The following SON variants were observed in gnomAD, a reference collection of about 807,000 sequenced individuals.
The protein encoded by SON is protein SON.
Under a neutral mutation model 173.3 loss-of-function variants are expected in SON, and 4 were observed. That is an observed-to-expected ratio of 0.02 (90% CI 0.01 to 0.05). SON has a LOEUF of 0.05. Ranked by LOEUF, SON falls within the 10% of genes least tolerant of loss-of-function variation. The pLI is 1.00. For missense variants in SON, 2,626 were observed against 3,055.3 expected (o/e 0.86, Z 3.31); for synonymous variants, 1,190 against 1,105.9 (o/e 1.08, Z -1.51).
chr21:33,575,770 C>G lies in SON; in HGVS notation c.7106-8C>G. The G allele has an allele frequency of 6.3e-7, 1 of 1,585,344 alleles. No homozygotes were observed. The highest frequency in any genetic ancestry group is 8.7e-7 in the Non-Finnish European group (1 of 1,155,878). On this transcript the variant is annotated splice_region_variant and splice_polypyrimidine_tract_variant and intron_variant, in intron 10 of 11. Transcript: ENST00000356577. The stretch of plus-strand genomic sequence containing the variant: ...TAATTTAAAACTGGGTATTTCTCCC[C>G]CCTGCAGGCAAACATCCTGTGTCTG...
At chr21:33,557,577 C>T (rs762848695) in intron 4 of SON, 37 of 1,550,402 alleles carry the variant, frequency 2.4e-5, no homozygotes, top group Non-Finnish European at 3.1e-5. Context: ...AGGAGTGGGA[C>T]GGTTCGTTTG....
In SON at chr21:33,549,673, A is replaced by G. The variant is rs201319368; in HGVS notation, c.442A>G (p.Ile148Val). ...SKTKSHDDGNIDLESDSFLKF... is the reference protein window; with the variant it reads ...SKTKSHDDGNVDLESDSFLKF... ...GACGAAATCTCATGATGATGGGAAC[A>G]TAGATTTAGAATCTGATTCCTTTTT... The change falls in exon 3 of 12, where the codon ATA becomes GTA. Residue 148 changes from isoleucine (I) to valine (V), a missense_variant. Ile to Val is a conservative substitution (Grantham distance 29). Transcript: ENST00000356577. 3.0e-5 allele frequency: 48 copies of G among 1,612,332 alleles called. No individual in the cohort carries two copies. Among genetic ancestry groups the G allele is most frequent in the Non-Finnish European group, 5.9e-6 (7 of 1,179,558 alleles).
Position 33,576,188 on chromosome 21 carries a change from C to CT in SON, c.7222-176dup, listed in dbSNP as rs35866245. Among the ~76,000 whole-genome samples the CT allele has an allele frequency of 1, 152,349 of 152,350 alleles. 76,174 individuals are homozygous for CT. Among genetic ancestry groups the CT allele is most frequent in the Non-Finnish European group, 1 (68,038 of 68,038 alleles). On this transcript the variant is annotated intron_variant, in intron 11 of 11. Transcript: ENST00000356577. ...CTTTTTCTCAATTTGGAGACCTGCT[C>CT]TAATTTGCAGTCCCTTTCCCAAATG... is the stretch of plus-strand genomic sequence containing the variant.
In SON at chr21:33,555,850, T is replaced by A. The variant is rs924665120; in HGVS notation, c.6160+459T>A. Among the ~76,000 whole-genome samples the A allele has an allele frequency of 3.9e-5, 6 of 152,192 alleles. No homozygotes were observed. In the East Asian group the frequency reaches 1.2e-3, roughly 29 times the overall value. ...TATAGGACTGTTAAATGAAGGTAATTCTGATTGGTATAGTTGGTAATGGAA... is the reference window on the plus strand; with the variant it reads ...TATAGGACTGTTAAATGAAGGTAATACTGATTGGTATAGTTGGTAATGGAA... On this transcript the variant is annotated intron_variant, in intron 3 of 11. Coordinates refer to ENST00000356577, the MANE Select transcript of SON (RefSeq NM_138927.4).
At chr21:33,560,141 C>T (rs771249423) in intron 6 of SON, 9 of 1,608,112 alleles carry the variant, frequency 5.6e-6, no homozygotes, top group Middle Eastern at 1.7e-4. Flanking sequence ...GCAAATTTAT[C>T]GGGTGGAGGG....
At position 33,549,998 on chromosome 21, in the gene SON, T is replaced by C; in HGVS notation, c.767T>C (p.Val256Ala). Residue 256 changes from valine to alanine, a missense_variant, in exon 3 of 12, where the codon GTG becomes GCG. Physicochemically the swap from Val to Ala is moderately conservative, Grantham distance 64 (BLOSUM62 0). Coordinates refer to ENST00000356577, the MANE Select transcript of SON (RefSeq NM_138927.4). ...GCACCAGTGCCTACTACAACACTGGTGTTGAAGTCATCTGAGCCAGTTGTA... is the reference window on the plus strand; with the variant it reads ...GCACCAGTGCCTACTACAACACTGGCGTTGAAGTCATCTGAGCCAGTTGTA... ...AAAPVPTTTLVLKSSEPVVTM... is the reference protein window; with the variant it reads ...AAAPVPTTTLALKSSEPVVTM... 1.9e-6 allele frequency: 3 copies of C among 1,614,140 alleles called. 1 individual carries two copies. Among genetic ancestry groups the C allele is most frequent in the South Asian group, 2.2e-5 (2 of 91,086 alleles).
Position 33,557,248 on chromosome 21 carries a change from C to T in SON, c.6253C>T (p.Pro2085Ser), listed in dbSNP as rs753296736. 2 of 1,613,502 alleles carry T rather than the reference C, an allele frequency of 1.2e-6. No homozygotes were observed. The highest frequency in any genetic ancestry group is 1.1e-5 in the South Asian group (1 of 91,026). The change falls in exon 4 of 12, where the codon CCT becomes TCT. Residue 2085 changes from proline (P) to serine (S), a missense_variant. Physicochemically the swap from Pro to Ser is moderately conservative, Grantham distance 74. Around this residue, in one of 13 missense-constraint regions of SON, gnomAD observed 19 missense variants for 16.8 expected, o/e 1.13. Transcript: ENST00000356577. Reference protein sequence around the residue: ...VPLPPNLKPAPPPTIEEKVAK... With the variant: ...VPLPPNLKPASPPTIEEKVAK... ...TTTACCACCAAACCTAAAGCCTGCACCTCCACCTACTATAGAAGAGAAAGT... is the reference window on the plus strand; with the variant it reads ...TTTACCACCAAACCTAAAGCCTGCATCTCCACCTACTATAGAAGAGAAAGT...
intron 8 of SON, chr21:33,572,759 A>T: frequency 3.0e-6 from 1 of 330,778 alleles, no homozygotes; most frequent in Non-Finnish European, 5.5e-6. Context: ...TACTGTGTAA[A>T]TTTCAAGAGT....
chr21:33,553,023 A>G lies in SON; in HGVS notation c.3792A>G (p.Val1264=). 1 of 1,612,636 alleles carries G rather than the reference A, an allele frequency of 6.2e-7. No homozygotes were observed. Among genetic ancestry groups the G allele is most frequent in the Admixed American group, 1.7e-5 (1 of 59,964 alleles). Reference sequence around the variant, plus strand: ...AATCTTCAATTACGTTAACACCTGTAGAGTCTGCAGTAGTAGCAGAAGAAC... The same window carrying G: ...AATCTTCAATTACGTTAACACCTGTGGAGTCTGCAGTAGTAGCAGAAGAAC... The part of the protein sequence containing the change: ...EPESSITLTP[V]ESAVVAEEHE... Residue 1264 remains valine, a synonymous_variant, in exon 3 of 12, where the codon GTA becomes GTG. Coordinates refer to ENST00000356577, the MANE Select transcript of SON (RefSeq NM_138927.4).
chr21:33,556,732 G>T (rs906272261), intron 3 of SON, among the ~76,000 whole-genome samples: 1 of 150,906 alleles, frequency 6.6e-6, no homozygotes, highest in Non-Finnish European at 1.5e-5. Context: ...AAAAAAAGAG[G>T]TGGCACTTGA....
intron 9 of SON, among the ~76,000 whole-genome samples, chr21:33,574,407 T>C (rs756917769): frequency 6.6e-6 from 1 of 152,210 alleles, no homozygotes; most frequent in Non-Finnish European, 1.5e-5. Flanking sequence ...GTCCTTGGAA[T>C]TGTGGGACAT....
intron 4 of SON, chr21:33,558,494 C>T (rs1417706071): frequency 6.6e-6 from 1 of 152,184 alleles, no homozygotes; most frequent in African/African-American, 2.4e-5. Flanking sequence ...TGTTTCCTCA[C>T]TTAGATTTAT....
rs538798179 is a variant in SON, at chr21:33,555,641, T to C, written c.6160+250T>C. Among the ~76,000 whole-genome samples the C allele has an allele frequency of 3.9e-5, 6 of 152,338 alleles. No individual in the cohort carries two copies. In the South Asian group the frequency reaches 1.2e-3, roughly 32 times the overall value. On this transcript the variant is annotated intron_variant, in intron 3 of 11. Coordinates refer to ENST00000356577, the MANE Select transcript of SON (RefSeq NM_138927.4). ...TTCCATATTTGAATGTTTTATTTTG[T>C]TTTAGTTATCTTGCCATAGCTAAAA...
intron 6 of SON, chr21:33,560,070 G>A (rs778602456): frequency 6.2e-7 from 1 of 1,614,150 alleles, no homozygotes; most frequent in Non-Finnish European, 8.5e-7. Context: ...GGTAGTCCAA[G>A]GTACAACTAT....
intron 10 of SON, 23 bp from the exon 11 acceptor site, chr21:33,575,755 C>T (rs2086385552): frequency 1.3e-6 from 2 of 1,559,930 alleles, no homozygotes; most frequent in Non-Finnish European, 1.8e-6. Flanking sequence ...TAATTTAAAA[C>T]TGGGTATTTC....
At position 33,559,941 on chromosome 21, in the gene SON, C is replaced by T; in HGVS notation, c.6657+166C>T. The T allele has an allele frequency of 6.2e-7, 1 of 1,613,806 alleles. No homozygotes were observed. The highest frequency in any genetic ancestry group is 8.5e-7 in the Non-Finnish European group (1 of 1,179,752). ...AAACAACCCGCAGCTTCTCATTTGA[C>T]AGTAACTCGATGCAATTCACTTTGT... On this transcript the variant is annotated intron_variant, in intron 6 of 11. Coordinates refer to ENST00000356577, the MANE Select transcript of SON (RefSeq NM_138927.4). This position sits in a 1 kb window ranked among gnomAD's most constrained non-coding sequence, Gnocchi z 4.1.
chr21:33,547,590 A>T (rs918641937), intron 2 of SON, among the ~76,000 whole-genome samples: 1 of 152,014 alleles, frequency 6.6e-6, no homozygotes. Flanking sequence ...GGCTCTAACA[A>T]CCTTCATTGA....
chr21:33,557,448 A>G, intron 4 of SON, 132 bp downstream of exon 4: 1 of 1,542,638 alleles, frequency 6.5e-7, no homozygotes, highest in South Asian at 1.2e-5. Context: ...CCCGAAATAC[A>G]GATGTGGCAG....
intron 6 of SON, among the ~76,000 whole-genome samples, chr21:33,565,479 A>G (rs1350803151): frequency 2.0e-5 from 3 of 152,180 alleles, no homozygotes; most frequent in Non-Finnish European, 4.4e-5. Flanking sequence ...CTACCTGACA[A>G]AACATCTTAA....
Sources: gnomAD v4.1 joint callset for allele counts (sites outside exome capture counted in the v4.1 genomes callset) on GRCh38, gnomAD v4.1.1 for gene constraint, gnomAD v4.1.1 regional missense constraint, Gnocchi (gnomAD v3.1) non-coding constraint, MANE v1.5 for transcripts, NCBI Gene and HGNC (gene_info 2026-07-23, HGNC 2026-07-21) for gene names.